The following BRCA1 variants were observed in gnomAD, a reference collection of about 807,000 sequenced individuals.
The protein encoded by BRCA1 is BRCA1 DNA repair associated.
Under a neutral mutation model 173.7 loss-of-function variants are expected in BRCA1, and 140 were observed. The observed-to-expected ratio is 0.81, with a 90% CI of 0.70 to 0.93. The LOEUF is 0.93. BRCA1 is among the 40% of genes least tolerant of loss of function. BRCA1 has a pLI of 0.00. For synonymous variants in BRCA1, 662 were observed against 756.0 expected (o/e 0.88, Z 2.04); for missense variants, 1,983 against 2,172.5 (o/e 0.91, Z 1.73).
chr17:43,084,213 G>T (rs1208787120), intron 11 of BRCA1, among the ~76,000 whole-genome samples: 1 of 152,116 alleles, frequency 6.6e-6, no homozygotes, highest in Non-Finnish European at 1.5e-5. Flanking sequence ...TGTATTTTTA[G>T]TAGAAATGGT....
chr17:43,158,658 ATTAT>A (rs1291516247), intron 1 of BRCA1, among the ~76,000 whole-genome samples: 1 of 152,232 alleles, frequency 6.6e-6, no homozygotes, highest in Non-Finnish European at 1.5e-5. Context: ...AATGTAGTTT[ATTAT>A]TTAATTTATT....
intron 3 of BRCA1, among the ~76,000 whole-genome samples, chr17:43,110,108 A>G (rs2054970116): frequency 6.6e-6 from 1 of 151,860 alleles, no homozygotes; most frequent in African/African-American, 2.4e-5. Flanking sequence ...GTTAGCCAGG[A>G]TGGTCTCGAT....
chr17:43,131,350 C>T (rs1271045805), intron 1 of BRCA1: 8 of 437,230 alleles, frequency 1.8e-5, no homozygotes, highest in East Asian at 7.1e-5. Context: ...TTTAATAATT[C>T]GAAGTAGCGC....
At chr17:43,168,755 A>AT (rs942251423) in intron 1 of BRCA1, among the ~76,000 whole-genome samples, 3 of 152,204 alleles carry the variant, frequency 2.0e-5, no homozygotes, top group Admixed American at 1.3e-4. Flanking sequence ...TAAATTCTGT[A>AT]TTTTTTCACA....
At chr17:43,067,531 G>T in intron 16 of BRCA1, 77 bp downstream of exon 16, 2 of 1,221,462 alleles carry the variant, frequency 1.6e-6, no homozygotes, top group Non-Finnish European at 2.4e-6. Flanking sequence ...TGCGATTACA[G>T]GCATGCGCCA....
chr17:43,109,281 G>A (rs539455017), intron 3 of BRCA1, among the ~76,000 whole-genome samples: 1 of 152,324 alleles, frequency 6.6e-6, no homozygotes, highest in African/African-American at 2.4e-5. Context: ...ACAGGCATGA[G>A]CCATCAAGCC....
At chr17:43,096,560 G>T (rs1217919824) in intron 8 of BRCA1, among the ~76,000 whole-genome samples, 1 of 119,628 alleles carries the variant, frequency 8.4e-6, no homozygotes, top group Non-Finnish European at 1.6e-5. Context: ...AACAGGGCAA[G>T]ACCCCGTCTC....
Position 43,045,480 on chromosome 17 carries a change from C to T in BRCA1, c.*198G>A, listed in dbSNP as rs2050841720. 1 of 868,230 alleles carries T rather than the reference C, an allele frequency of 1.2e-6. No homozygotes were observed. Among genetic ancestry groups the T allele is most frequent in the Non-Finnish European group, 1.9e-6 (1 of 533,856 alleles). 53.8% of individuals were successfully genotyped at this position (868,230 alleles called of 1,614,324 possible). On this transcript the variant is annotated 3_prime_UTR_variant, in exon 23 of 23. Transcript: ENST00000357654. The stretch of plus-strand genomic sequence containing the variant: ...TAATTTTGTGCTCATGGCAGATTTC[C>T]AAGGGAGACTTCAAGCAGAAAATCT...
intron 4 of BRCA1, 82 bp downstream of exon 4, chr17:43,106,374 T>C (rs1463415585): frequency 2.3e-6 from 2 of 885,964 alleles, no homozygotes; most frequent in South Asian, 1.6e-5. Flanking sequence ...AATGGTTTTA[T>C]AGGAACGCTA....
At position 43,106,475 on chromosome 17, in the gene BRCA1, T is replaced by C. The variant is rs756948486; in HGVS notation, c.193A>G (p.Lys65Glu). The C allele has an allele frequency of 8.1e-6, 13 of 1,600,926 alleles. No individual in the cohort carries two copies. In the South Asian group the frequency reaches 1.4e-4, roughly 18 times the overall value. The change falls in exon 4 of 23, where the codon AAG (lysine) becomes GAG (glutamate). Residue 65 changes from lysine to glutamate, a missense_variant. By Grantham distance (56) the Lys-to-Glu change is moderately conservative. Coordinates refer to ENST00000357654, the MANE Select transcript of BRCA1 (RefSeq NM_007294.4). ...ATATACCTTTTGGTTATATCATTCTTACATAAAGGACACTGTGAAGGCCCT... is the reference window on the plus strand; with the variant it reads ...ATATACCTTTTGGTTATATCATTCTCACATAAAGGACACTGTGAAGGCCCT... ...KKGPSQCPLC[K>E]NDITKRSLQE...
chr17:43,114,755 T>G (rs1321056696), intron 3 of BRCA1, among the ~76,000 whole-genome samples: 8 of 152,136 alleles, frequency 5.3e-5, no homozygotes, highest in Admixed American at 5.2e-4. Context: ...TACCAGGTTA[T>G]GTACCAGGTA....
Position 43,119,897 on chromosome 17 carries a change from C to T in BRCA1, c.81-4118G>A, listed in dbSNP as rs869312510. 5.9e-5 allele frequency among the ~76,000 whole-genome samples: 9 copies of T among 151,688 alleles called. No homozygotes were observed. Among genetic ancestry groups the T allele is most frequent in the East Asian group, 3.9e-4 (2 of 5,182 alleles). ...ACAAACTTTGAACAGATGAAAACTC[C>T]GATATGTAAAAAGGTAATGAATGTT... On this transcript the variant is annotated intron_variant, in intron 2 of 22. Transcript: ENST00000357654.
chr17:43,092,146 T>A lies in BRCA1; in HGVS notation c.3385A>T (p.Ile1129Phe), dbSNP rs1597863986. Residue 1129 changes from isoleucine (I) to phenylalanine (F), a missense_variant, in exon 10 of 23, where the codon ATT (isoleucine) becomes TTT (phenylalanine). Transcript: ENST00000357654. ...TVNTDFSPYL[I>F]SDNLEQPMGS... ...ATAGGCTGTTCTAAGTTATCTGAAA[T>A]CAGATATGGAGAGAAATCTGTATTA... 1 of 1,613,664 alleles carries A rather than the reference T, an allele frequency of 6.2e-7. No individual in the cohort carries two copies. The highest frequency in any genetic ancestry group is 8.5e-7 in the Non-Finnish European group (1 of 1,179,904).
intron 1 of BRCA1, chr17:43,138,294 C>T (rs545650666): frequency 5.0e-4 from 137 of 272,248 alleles, no homozygotes; most frequent in African/African-American, 2.9e-3. Context: ...ATGTTTTCTC[C>T]GATACTATAT....
At chr17:43,068,060 A>T (rs1419336937) in intron 15 of BRCA1, among the ~76,000 whole-genome samples, 12 of 151,458 alleles carry the variant, frequency 7.9e-5, no homozygotes, top group Admixed American at 7.9e-4. Context: ...GGCAGATCAC[A>T]AGGTCAGGAG....
At chr17:43,150,509 A>G (rs2056153784) in intron 1 of BRCA1, among the ~76,000 whole-genome samples, 1 of 152,088 alleles carries the variant, frequency 6.6e-6, no homozygotes, top group African/African-American at 2.4e-5. Flanking sequence ...CAGTCTCATG[A>G]TATTTGCCAC....
upstream of BRCA1, chr17:43,125,444 C>T (rs2154580362): frequency 2.8e-6 from 1 of 363,010 alleles, no homozygotes; most frequent in South Asian, 2.0e-5. Flanking sequence ...CAAGGGGCTA[C>T]CGCTAAGCAG....
intron 4 of BRCA1, among the ~76,000 whole-genome samples, chr17:43,105,332 T>C (rs188760624): frequency 6.3e-4 from 96 of 152,278 alleles, no homozygotes; most frequent in African/African-American, 2.2e-3. Flanking sequence ...CTCAGACTTC[T>C]GTACTCAAGC....
intron 1 of BRCA1, chr17:43,132,565 T>TA (rs1169483188): frequency 6.6e-6 from 1 of 151,928 alleles, no homozygotes; most frequent in African/African-American, 2.4e-5. Flanking sequence ...TTAACCTCTT[T>TA]TTTTTTTTTT....
Sources: gnomAD v4.1 joint callset for allele counts (sites outside exome capture counted in the v4.1 genomes callset) on GRCh38, gnomAD v4.1.1 for gene constraint, MANE v1.5 for transcripts, NCBI Gene and HGNC (gene_info 2026-07-23, HGNC 2026-07-21) for gene names.